KBTBD2: variants seen among roughly 807,000 people sequenced by gnomAD.
KBTBD2 encodes the protein kelch repeat and BTB domain containing 2.
KBTBD2 carries 17 observed loss-of-function variants against 57.1 expected under a neutral mutation model. The observed-to-expected ratio is 0.30, with a 90% CI of 0.20 to 0.45. KBTBD2 has a LOEUF of 0.45. Among genes scored for constraint, KBTBD2 ranks in the 20% least tolerant of loss-of-function variants. The probability of loss-of-function intolerance (pLI) is 1.00; values close to 1 mark genes in which losing one functional copy is unlikely to be tolerated. For missense variants in KBTBD2, 515 were observed against 750.6 expected, an observed-to-expected ratio of 0.69 and a Z score of 3.67; for synonymous variants, 267 against 262.7, an observed-to-expected ratio of 1.02 and a Z score of -0.16.
intron 2 of KBTBD2, among the ~76,000 whole-genome samples, chr7:32,875,974 T>C (rs1393544478): frequency 1.3e-5 from 2 of 152,206 alleles, no homozygotes; most frequent in Admixed American, 1.3e-4. Context: ...ACTGTAAATA[T>C]ACTAAAATTC....
Position 32,875,055 on chromosome 7 carries a change from C to T in KBTBD2, c.273G>A (p.Thr91=), listed in dbSNP as rs752710005. The T allele has an allele frequency of 2.5e-6, 4 of 1,613,928 alleles. No homozygotes were observed. The highest frequency in any genetic ancestry group is 2.5e-6 in the Non-Finnish European group (3 of 1,179,968). The change falls in exon 3 of 4, where the codon ACG becomes ACA. Residue 91 remains threonine, a synonymous_variant. Transcript: ENST00000304056. ...TLQIIITYAY[T]GNLAMNDSTV... The stretch of plus-strand genomic sequence containing the variant: ...TGCTGTCATTCATTGCCAAGTTACC[C>T]GTGTATGCATAAGTTATTATTATCT...
At chr7:32,876,669 T>C (rs1038707624) in intron 2 of KBTBD2, among the ~76,000 whole-genome samples, 1 of 152,158 alleles carries the variant, frequency 6.6e-6, no homozygotes, top group African/African-American at 2.4e-5. Context: ...CAAAAACCAC[T>C]ATAGCTGGGC....
At position 32,879,740 on chromosome 7, in the gene KBTBD2, T is replaced by C; in HGVS notation, c.-136A>G. ...AGCATTCAGTACCAAGACTGACACA[T>C]TCACTAATGAGTAATATCTTGTTAC... On this transcript the variant is annotated 5_prime_UTR_variant, in exon 2 of 4. The change abolishes an upstream ATG in the 5' untranslated region. Transcript: ENST00000304056. 2 of 662,056 alleles carry C rather than the reference T, an allele frequency of 3.0e-6. No individual in the cohort carries two copies. Among genetic ancestry groups the C allele is most frequent in the Non-Finnish European group, 5.3e-6 (2 of 380,876 alleles). 41.0% of individuals were successfully genotyped at this position (662,056 alleles called of 1,614,324 possible). A position where few individuals can be genotyped will look rare whatever the true frequency, so the allele number is the denominator to read the frequency against.
intron 1 of KBTBD2, among the ~76,000 whole-genome samples, chr7:32,887,158 T>A (rs1323082117): frequency 6.6e-6 from 1 of 152,072 alleles, no homozygotes; most frequent in Admixed American, 6.5e-5. Flanking sequence ...AACTATTGAA[T>A]GTGATAAAGA....
At chr7:32,889,499 G>A (rs1784675053) in intron 1 of KBTBD2, among the ~76,000 whole-genome samples, 1 of 151,978 alleles carries the variant, frequency 6.6e-6, no homozygotes, top group African/African-American at 2.4e-5. Flanking sequence ...TACTCAGGAG[G>A]CTGAAGCAGG....
Position 32,879,912 on chromosome 7 carries a change from C to A in KBTBD2, c.-308G>T. ...ATACACGAGGTAGATTTTGTGGCAA[C>A]ATCCTATGTTCAGCGGATCCTGTGG... is the stretch of plus-strand genomic sequence containing the variant. On this transcript the variant is annotated 5_prime_UTR_variant, in exon 2 of 4. The change abolishes an upstream ATG in the 5' untranslated region. Coordinates refer to ENST00000304056, the MANE Select transcript of KBTBD2 (RefSeq NM_015483.3). 3.6e-6 allele frequency: 1 copy of A among 274,332 alleles called. No homozygotes were observed. Among genetic ancestry groups the A allele is most frequent in the Non-Finnish European group, 6.8e-6 (1 of 146,266 alleles). 17.0% of individuals were successfully genotyped at this position (274,332 alleles called of 1,614,324 possible).
At chr7:32,884,028 G>C (rs1047642734) in intron 1 of KBTBD2, among the ~76,000 whole-genome samples, 7 of 152,126 alleles carry the variant, frequency 4.6e-5, no homozygotes, top group African/African-American at 1.7e-4. Context: ...ACTTTTAATA[G>C]AGACATGAGT....
chr7:32,870,874 C>A lies in KBTBD2; in HGVS notation c.343G>T (p.Asp115Tyr). The A allele has an allele frequency of 1.3e-6, 2 of 1,541,480 alleles. No homozygotes were observed. The highest frequency in any genetic ancestry group is 1.7e-6 in the Non-Finnish European group (2 of 1,150,402). ...YETACFLQVEDVLQRCREYLI... is the reference protein window; with the variant it reads ...YETACFLQVEYVLQRCREYLI... ...TATTCTCGACAACGTTGTAACACAT[C>A]TTCTACCTAGAATGAGAAGGAAAAA... Residue 115 changes from aspartate to tyrosine, a missense_variant, in exon 4 of 4, where the codon GAT becomes TAT. Physicochemically the swap from Asp to Tyr is radical, Grantham distance 160 (BLOSUM62 -3). Coordinates refer to ENST00000304056, the MANE Select transcript of KBTBD2 (RefSeq NM_015483.3).
intron 3 of KBTBD2, among the ~76,000 whole-genome samples, chr7:32,872,284 G>A (rs1030088735): frequency 6.6e-6 from 1 of 152,196 alleles, no homozygotes. Flanking sequence ...CATTTCTCCC[G>A]TTCAAGTTTG....
At chr7:32,889,036 G>A (rs1056419992) in intron 1 of KBTBD2, among the ~76,000 whole-genome samples, 1 of 152,164 alleles carries the variant, frequency 6.6e-6, no homozygotes, top group Non-Finnish European at 1.5e-5. Flanking sequence ...AAAGTGGCCA[G>A]GCGCAATGGC....
At chr7:32,874,406 A>T (rs1323222126) in intron 3 of KBTBD2, 1 of 151,648 alleles carries the variant, frequency 6.6e-6, no homozygotes, top group African/African-American at 2.4e-5. Context: ...TCTCAAAAAA[A>T]TAAATAAATA....
chr7:32,889,327 C>A (rs10227626), intron 1 of KBTBD2, among the ~76,000 whole-genome samples: 148,209 of 151,730 alleles, frequency 0.98, 72,492 homozygotes, highest in East Asian at 1. Context: ...GATCGGCCGT[C>A]TGCGGTAGCT....
rs1784405957 is a variant in KBTBD2, at chr7:32,879,903, T to C, written c.-299A>G. On this transcript the variant is annotated 5_prime_UTR_variant, in exon 2 of 4. Transcript: ENST00000304056. ...AAGAGAAAAATACACGAGGTAGATT[T>C]TGTGGCAACATCCTATGTTCAGCGG... 2 of 284,516 alleles carry C rather than the reference T, an allele frequency of 7.0e-6. No individual in the cohort carries two copies. The highest frequency in any genetic ancestry group is 5.4e-5 in the South Asian group (1 of 18,418). The allele number at this position is 284,516 out of a possible 1,614,324, so 17.6% of individuals were successfully genotyped here.
At chr7:32,887,224 T>C (rs911206005) in intron 1 of KBTBD2, among the ~76,000 whole-genome samples, 21 of 152,134 alleles carry the variant, frequency 1.4e-4, no homozygotes, top group Admixed American at 6.6e-5. Flanking sequence ...GATAAAAAGA[T>C]GGGAAGGAGG....
chr7:32,881,347 G>A (rs1348053857), intron 1 of KBTBD2, among the ~76,000 whole-genome samples: 1 of 151,676 alleles, frequency 6.6e-6, no homozygotes, highest in Non-Finnish European at 1.5e-5. Flanking sequence ...CAGGAAAAGA[G>A]GAAAATCCCA....
At chr7:32,881,972 T>C (rs1342446324) in intron 1 of KBTBD2, among the ~76,000 whole-genome samples, 1 of 152,156 alleles carries the variant, frequency 6.6e-6, no homozygotes, top group African/African-American at 2.4e-5. Context: ...CAATGGATAA[T>C]CAAACATATT....
intron 1 of KBTBD2, among the ~76,000 whole-genome samples, chr7:32,881,284 A>C (rs1205971414): frequency 6.6e-6 from 1 of 152,130 alleles, no homozygotes; most frequent in Non-Finnish European, 1.5e-5. Flanking sequence ...CAGCTGAATA[A>C]AAATTTAATT....
intron 2 of KBTBD2, among the ~76,000 whole-genome samples, chr7:32,877,823 A>G (rs1284135587): frequency 6.6e-6 from 1 of 152,118 alleles, no homozygotes; most frequent in Non-Finnish European, 1.5e-5. Context: ...AACTTCCCAG[A>G]CTTGGCTGGG....
intron 1 of KBTBD2, among the ~76,000 whole-genome samples, chr7:32,882,736 C>A (rs1049304879): frequency 2.0e-5 from 3 of 152,202 alleles, no homozygotes; most frequent in African/African-American, 7.2e-5. Context: ...GGAATCCCAG[C>A]ACTTTGGGAG....
Sources: allele counts gnomAD v4.1 joint callset (sites outside exome capture counted in the v4.1 genomes callset), GRCh38; gene constraint gnomAD v4.1.1; transcripts MANE v1.5; gene names NCBI Gene and HGNC (gene_info 2026-07-23, HGNC 2026-07-21).